ZBTB41: variants seen among roughly 807,000 people sequenced by gnomAD.
The protein encoded by ZBTB41 is zinc finger and BTB domain-containing protein 41.
ZBTB41 carries 42 observed loss-of-function variants against 87.6 expected under a neutral mutation model. That is an observed-to-expected ratio of 0.48 (90% confidence interval 0.37 to 0.62). The LOEUF (loss-of-function observed/expected upper bound fraction) is 0.62, where lower values mean the gene tolerates loss of function less well. Ranked by LOEUF, ZBTB41 falls within the 20% of genes least tolerant of loss-of-function variation. The probability of loss-of-function intolerance (pLI) is 0.00; values close to 1 mark genes in which losing one functional copy is unlikely to be tolerated. For missense variants in ZBTB41, 799 were observed against 1,078.9 expected (o/e 0.74, Z 3.63); for synonymous variants, 364 against 364.0 (o/e 1.00, Z 0.00).
At chr1:197,195,158 T>C (rs1166191920) in intron 2 of ZBTB41, among the ~76,000 whole-genome samples, 2 of 152,202 alleles carry the variant, frequency 1.3e-5, no homozygotes, top group Non-Finnish European at 2.9e-5. Context: ...AAAACAGTAT[T>C]CCTTCACAGA....
intron 4 of ZBTB41, among the ~76,000 whole-genome samples, chr1:197,189,334 T>C (rs1229989263): frequency 2.0e-5 from 3 of 152,088 alleles, no homozygotes; most frequent in Non-Finnish European, 4.4e-5. Flanking sequence ...AAGATCGGCC[T>C]GGCCAACATA....
intron 10 of ZBTB41, among the ~76,000 whole-genome samples, chr1:197,161,982 T>G (rs1007780992): frequency 1.3e-5 from 2 of 152,092 alleles, no homozygotes; most frequent in Non-Finnish European, 2.9e-5. Context: ...TTAAGCATTT[T>G]CATTAAAAAA....
intron 9 of ZBTB41, among the ~76,000 whole-genome samples, 198 bp from the exon 10 acceptor site, chr1:197,172,446 G>C (rs1003431783): frequency 7.2e-5 from 11 of 152,068 alleles, no homozygotes; most frequent in African/African-American, 2.6e-4. Flanking sequence ...TGTTGAGCTT[G>C]CCTCTGGTTT....
chr1:197,182,704 T>C (rs561757740), intron 5 of ZBTB41, among the ~76,000 whole-genome samples: 3 of 152,308 alleles, frequency 2.0e-5, no homozygotes, highest in South Asian at 4.1e-4. Context: ...ACAGAATATA[T>C]ATTCCTAATG....
At chr1:197,177,002 A>T (rs1425217904) in intron 7 of ZBTB41, among the ~76,000 whole-genome samples, 1 of 152,122 alleles carries the variant, frequency 6.6e-6, no homozygotes, top group East Asian at 1.9e-4. Flanking sequence ...ACTGGCCAAG[A>T]CTCAAAAATA....
At chr1:197,199,291 C>T in intron 2 of ZBTB41, 63 bp downstream of exon 2, 1 of 1,396,786 alleles carries the variant, frequency 7.2e-7, no homozygotes. Flanking sequence ...TTTTATTTAT[C>T]ACCTTTAAAA....
Position 197,153,812 on chromosome 1 carries a change from A to C in ZBTB41, c.*5547T>G, listed in dbSNP as rs956055552. 3 of 152,212 alleles carry C rather than the reference A, an allele frequency of 2.0e-5. No individual in the cohort carries two copies. The highest frequency in any genetic ancestry group is 7.2e-5 in the African/African-American group (3 of 41,464). The allele number at this position is 152,212 out of a possible 1,614,324, so 9.4% of individuals were successfully genotyped here. A position where few individuals can be genotyped will look rare whatever the true frequency, so the allele number is the denominator to read the frequency against. On this transcript the variant is annotated 3_prime_UTR_variant, in exon 11 of 11. Transcript: ENST00000367405. The stretch of plus-strand genomic sequence containing the variant: ...ATAAAGACATTTATACTTAGGAAAC[A>C]TCAGACAACCAAAGTATGTATAAAA...
At chr1:197,160,899 C>T (rs142960413) in intron 10 of ZBTB41, among the ~76,000 whole-genome samples, 92 of 152,238 alleles carry the variant, frequency 6.0e-4, no homozygotes, top group African/African-American at 2.1e-3. Flanking sequence ...CAGACAGATG[C>T]AACATGAGAA....
chr1:197,191,456 CAAAAAA>C (rs537220441), intron 3 of ZBTB41, among the ~76,000 whole-genome samples: 1 of 85,324 alleles, frequency 1.2e-5, no homozygotes, highest in South Asian at 4.2e-4. Flanking sequence ...AGCCCTACTT[CAAAAAA>C]AAAAAAAAAA....
chr1:197,198,569 C>G (rs1660224057), intron 2 of ZBTB41, among the ~76,000 whole-genome samples: 1 of 152,048 alleles, frequency 6.6e-6, no homozygotes, highest in Non-Finnish European at 1.5e-5. Flanking sequence ...ATTGTTGCAA[C>G]TGAAAAGTTT....
rs1557990302 is a variant in ZBTB41 at position 197,199,586 on chromosome 1, C to T, written c.888G>A (p.Glu296=). 3.1e-6 allele frequency: 5 copies of T among 1,608,796 alleles called. No homozygotes were observed. Among genetic ancestry groups the T allele is most frequent in the South Asian group, 1.1e-5 (1 of 89,826 alleles). ...DKEKSDRNDS[E]DPGSEYNAEE... ...CAGCATTATATTCACTTCCAGGGTC[C>T]TCAGAATCATTTCTATCTGACTTTT... is the stretch of plus-strand genomic sequence containing the variant. The change falls in exon 2 of 11, where the codon GAG becomes GAA. Residue 296 remains glutamate, a synonymous_variant. Transcript: ENST00000367405.
intron 3 of ZBTB41, 152 bp from the exon 4 acceptor site, chr1:197,190,983 T>C: frequency 1.9e-6 from 1 of 514,520 alleles, no homozygotes; most frequent in Non-Finnish European, 3.4e-6. Flanking sequence ...TAAGAAGGTA[T>C]CATTATCATT....
At chr1:197,189,343 T>C (rs1433564479) in intron 4 of ZBTB41, among the ~76,000 whole-genome samples, 2 of 151,974 alleles carry the variant, frequency 1.3e-5, no homozygotes, top group Non-Finnish European at 2.9e-5. Flanking sequence ...CTGGCCAACA[T>C]AGTGAAACCC....
At chr1:197,171,976 G>T (rs531224514) in intron 10 of ZBTB41, among the ~76,000 whole-genome samples, 184 bp downstream of exon 10, 1 of 151,776 alleles carries the variant, frequency 6.6e-6, no homozygotes, top group East Asian at 1.9e-4. Context: ...ATAGAGAATA[G>T]AAGATGAGAA....
chr1:197,159,644 A>C lies in ZBTB41; in HGVS notation c.2445T>G (p.Val815=). The C allele has an allele frequency of 6.2e-7, 1 of 1,614,014 alleles. No homozygotes were observed. Among genetic ancestry groups the C allele is most frequent in the Non-Finnish European group, 8.5e-7 (1 of 1,179,922 alleles). The change falls in exon 11 of 11, where the codon GTT becomes GTG. Residue 815 remains valine, a synonymous_variant. Coordinates refer to ENST00000367405, the MANE Select transcript of ZBTB41 (RefSeq NM_194314.3). ...GGTCACTCGGAGTGTCAGGCATCTG[A>C]ACTGGAACCAGAGTTACTGGAACAC... ...EVCVPVTLVP[V]QMPDTPSDLV...
intron 9 of ZBTB41, among the ~76,000 whole-genome samples, chr1:197,173,984 C>T (rs1659539317): frequency 6.6e-6 from 1 of 152,062 alleles, no homozygotes; most frequent in South Asian, 2.1e-4. Flanking sequence ...ATTACTTGGT[C>T]CAAAATGTCA....
intron 10 of ZBTB41, among the ~76,000 whole-genome samples, chr1:197,169,235 T>A (rs1659422650): frequency 6.6e-6 from 1 of 151,932 alleles, no homozygotes; most frequent in South Asian, 2.1e-4. Context: ...TGAATATATA[T>A]AAGAGAAAAG....
intron 10 of ZBTB41, among the ~76,000 whole-genome samples, chr1:197,165,772 T>TA (rs1041203010): frequency 3.3e-5 from 5 of 151,434 alleles, no homozygotes; most frequent in African/African-American, 9.7e-5. Context: ...AAAGGCAAAT[T>TA]AAAAAAAATA....
At chr1:197,178,300 T>G in intron 7 of ZBTB41, 117 bp downstream of exon 7, 1 of 607,724 alleles carries the variant, frequency 1.6e-6, no homozygotes, top group Non-Finnish European at 2.6e-6. Flanking sequence ...TTTGCACAAC[T>G]TTGCATATCA....
Sources: gnomAD v4.1 joint callset for allele counts (sites outside exome capture counted in the v4.1 genomes callset) on GRCh38, gnomAD v4.1.1 for gene constraint, MANE v1.5 for transcripts, NCBI Gene and HGNC (gene_info 2026-07-23, HGNC 2026-07-21) for gene names.